Variants in LINGO2 observed in about 807,000 individuals in gnomAD.
The protein encoded by LINGO2 is leucine-rich repeat and immunoglobulin-like domain-containing nogo receptor-interacting protein 2.
A neutral mutation model predicts 30.6 loss-of-function variants in LINGO2; 14 were observed. The ratio of observed to expected loss-of-function variants is 0.46; its 90% confidence interval spans 0.30 to 0.72. The LOEUF is 0.72. LINGO2 is among the 30% of genes least tolerant of loss of function. The pLI is 0.07. For missense variants in LINGO2, 729 were observed against 751.7 expected (o/e 0.97, Z 0.35); for synonymous variants, 317 against 288.5 (o/e 1.10, Z -1.00).
chr9:28,411,839 C>T (rs1422482383), intron 2 of LINGO2, among the ~76,000 whole-genome samples: 1 of 152,050 alleles, frequency 6.6e-6, no homozygotes, highest in East Asian at 1.9e-4. Flanking sequence ...TGAAGAATCA[C>T]CGCATTGTTT....
the LINGO2 span, among the ~76,000 whole-genome samples, chr9:28,676,377 C>G: frequency 6.6e-5 from 10 of 151,920 alleles, no homozygotes; most frequent in African/African-American, 2.4e-4. Flanking sequence ...AAACATTTTT[C>G]CAACTTAAAA....
the LINGO2 span, among the ~76,000 whole-genome samples, chr9:28,790,876 G>T: frequency 1.3e-5 from 2 of 152,048 alleles, no homozygotes; most frequent in African/African-American, 2.4e-5. Flanking sequence ...TGCAGTTTCA[G>T]GTACCCACTG....
chr9:28,644,013 T>C (rs1224165534), intron 1 of LINGO2, among the ~76,000 whole-genome samples: 1 of 152,048 alleles, frequency 6.6e-6, no homozygotes, highest in Non-Finnish European at 1.5e-5. Flanking sequence ...AAGTGGCTTA[T>C]ATCCAAAAGA....
chr9:28,861,816 T>C, the LINGO2 span, among the ~76,000 whole-genome samples: 1 of 151,972 alleles, frequency 6.6e-6, no homozygotes, highest in African/African-American at 2.4e-5. Flanking sequence ...TGTAAACCTG[T>C]ATTTATCTTA....
the LINGO2 span, among the ~76,000 whole-genome samples, chr9:28,992,521 A>T: frequency 6.6e-6 from 1 of 151,986 alleles, no homozygotes; most frequent in Admixed American, 6.6e-5. Context: ...GACCTAATAG[A>T]TATGTACAGA....
At chr9:28,538,046 A>C (rs1395773514) in intron 1 of LINGO2, among the ~76,000 whole-genome samples, 2 of 152,074 alleles carry the variant, frequency 1.3e-5, no homozygotes, top group Non-Finnish European at 2.9e-5. Context: ...TTAAGTATTA[A>C]GAGAAAATAT....
intron 1 of LINGO2, among the ~76,000 whole-genome samples, chr9:28,581,331 A>C (rs1824247898): frequency 6.6e-6 from 1 of 151,774 alleles, no homozygotes; most frequent in South Asian, 2.1e-4. Flanking sequence ...CCCAAAGGTA[A>C]AAATTTATAG....
the LINGO2 span, among the ~76,000 whole-genome samples, chr9:28,992,260 A>G: frequency 6.6e-6 from 1 of 152,034 alleles, no homozygotes; most frequent in African/African-American, 2.4e-5. Context: ...AGATCAAAAG[A>G]GACAAAGAAG....
chr9:28,917,818 A>C, the LINGO2 span, among the ~76,000 whole-genome samples: 1 of 152,126 alleles, frequency 6.6e-6, no homozygotes, highest in Non-Finnish European at 1.5e-5. Flanking sequence ...CTCATATAAA[A>C]GATGATTGAA....
chr9:28,207,156 T>G (rs919496013), intron 4 of LINGO2, among the ~76,000 whole-genome samples: 2 of 152,136 alleles, frequency 1.3e-5, no homozygotes, highest in African/African-American at 4.8e-5. Flanking sequence ...ATTTTTCACT[T>G]TAAATACGGT....
chr9:28,818,224 C>T, the LINGO2 span, among the ~76,000 whole-genome samples: 1 of 152,162 alleles, frequency 6.6e-6, no homozygotes, highest in Admixed American at 6.5e-5. Context: ...GTATTAGGTG[C>T]TAGTCTAAAA....
At chr9:28,137,419 G>C (rs997354293) in intron 4 of LINGO2, among the ~76,000 whole-genome samples, 8 of 152,124 alleles carry the variant, frequency 5.3e-5, no homozygotes, top group Admixed American at 5.2e-4. Flanking sequence ...CAACAAACCT[G>C]CTCTAGAGAA....
chr9:28,459,180 G>C (rs967275861), intron 2 of LINGO2, among the ~76,000 whole-genome samples: 1 of 151,508 alleles, frequency 6.6e-6, no homozygotes, highest in Non-Finnish European at 1.5e-5. Flanking sequence ...AACTTCAAAA[G>C]GCAATCAAAA....
intron 2 of LINGO2, among the ~76,000 whole-genome samples, chr9:28,446,453 A>G (rs1023819018): frequency 2.6e-5 from 4 of 152,212 alleles, no homozygotes; most frequent in Non-Finnish European, 5.9e-5. Flanking sequence ...TTTATTAGCT[A>G]TTTGTCCTTG....
the LINGO2 span, among the ~76,000 whole-genome samples, chr9:28,939,475 C>T: frequency 6.6e-6 from 1 of 152,240 alleles, no homozygotes; most frequent in Non-Finnish European, 1.5e-5. Context: ...TTGACTACCC[C>T]TAAAATGGGT....
At position 28,357,327 on chromosome 9, in the gene LINGO2, C is replaced by CGA. The variant is rs55802733; in HGVS notation, c.-246+15508_-246+15509insTC. ...ATACAGAAATAAAGCCCACCCCCCC[C>CGA]AAAAAAGAAAGCACCAATACTTCTT... On this transcript the variant is annotated intron_variant, in intron 3 of 5. Coordinates refer to ENST00000379992, the Ensembl canonical transcript of LINGO2. 2.1e-5 allele frequency among the ~76,000 whole-genome samples: 3 copies of CGA among 139,610 alleles called. No individual in the cohort carries two copies. The Admixed American group carries it at 2.2e-4, about 10-fold the overall frequency. 91.6% of individuals were successfully genotyped at this position (139,610 alleles called of 152,430 possible). A position where few individuals can be genotyped will look rare whatever the true frequency, so the allele number is the denominator to read the frequency against.
the LINGO2 span, among the ~76,000 whole-genome samples, chr9:28,965,863 T>C: frequency 9.1e-4 from 138 of 152,276 alleles, no homozygotes; most frequent in Non-Finnish European, 1.4e-3. Context: ...AGAGTAATTC[T>C]CAGGCCTAAA....
intron 4 of LINGO2, among the ~76,000 whole-genome samples, chr9:28,174,397 C>A (rs1012978595): frequency 6.6e-6 from 1 of 152,146 alleles, no homozygotes; most frequent in Non-Finnish European, 1.5e-5. Context: ...TGAGTCTTTG[C>A]ACATGCTCTT....
the LINGO2 span, among the ~76,000 whole-genome samples, chr9:28,891,933 TA>T: frequency 0.042 from 6,346 of 151,712 alleles, 197 homozygotes; most frequent in Admixed American, 0.083. Context: ...ATACTTTTTT[TA>T]TAAACACTCT....
Sources: gnomAD v4.1 joint callset for allele counts (sites outside exome capture counted in the v4.1 genomes callset) on GRCh38, gnomAD v4.1.1 for gene constraint, MANE v1.5 for transcripts, NCBI Gene and HGNC (gene_info 2026-07-23, HGNC 2026-07-21) for gene names.